Variants in KCNIP4 observed in about 807,000 individuals in gnomAD.
The protein encoded by KCNIP4 is potassium voltage-gated channel interacting protein 4.
A neutral mutation model predicts 34.0 loss-of-function variants in KCNIP4; 12 were observed. The ratio of observed to expected loss-of-function variants is 0.35; its 90% CI spans 0.23 to 0.57. KCNIP4 has a LOEUF of 0.57. Ranked by LOEUF, KCNIP4 falls within the 20% of genes least tolerant of loss-of-function variation. The probability of loss-of-function intolerance (pLI) is 0.83; values close to 1 mark genes in which losing one functional copy is unlikely to be tolerated. For synonymous variants in KCNIP4, 124 were observed against 102.2 expected, an observed-to-expected ratio of 1.21 and a Z score of -1.29; for missense variants, 238 against 311.7, an observed-to-expected ratio of 0.76 and a Z score of 1.78.
chr4:21,695,448 G>A (rs922805438), intron 1 of KCNIP4, among the ~76,000 whole-genome samples: 7 of 149,440 alleles, frequency 4.7e-5, no homozygotes, highest in African/African-American at 1.7e-4. Context: ...TTTTCCTCCT[G>A]TGGTTCAAAA....
intron 1 of KCNIP4, among the ~76,000 whole-genome samples, chr4:21,328,775 G>A (rs1715339222): frequency 6.6e-6 from 1 of 152,202 alleles, no homozygotes; most frequent in Admixed American, 6.5e-5. Flanking sequence ...TACTGTGACT[G>A]AGCTGGCACT....
intron 1 of KCNIP4, among the ~76,000 whole-genome samples, chr4:21,056,936 A>G (rs2108961683): frequency 6.6e-6 from 1 of 152,300 alleles, no homozygotes; most frequent in South Asian, 2.1e-4. Flanking sequence ...TCTCAGCCTA[A>G]GGTCTGACTG....
chr4:21,024,654 T>C (rs1740370492), intron 1 of KCNIP4, among the ~76,000 whole-genome samples: 1 of 152,242 alleles, frequency 6.6e-6, no homozygotes, highest in Non-Finnish European at 1.5e-5. Flanking sequence ...TTCTCTGTAC[T>C]AATTTGCTAT....
At chr4:21,007,466 C>T (rs934333836) in intron 1 of KCNIP4, among the ~76,000 whole-genome samples, 1 of 152,148 alleles carries the variant, frequency 6.6e-6, no homozygotes, top group Non-Finnish European at 1.5e-5. Flanking sequence ...TATTGTCACC[C>T]TGTCATGCTT....
chr4:21,104,453 C>A (rs1445416293), intron 1 of KCNIP4, among the ~76,000 whole-genome samples: 3 of 151,884 alleles, frequency 2.0e-5, no homozygotes, highest in African/African-American at 2.4e-5. Flanking sequence ...TTGTTTTTTT[C>A]TTGTAAATTT....
chr4:21,350,642 C>A (rs1321699655), intron 1 of KCNIP4, among the ~76,000 whole-genome samples: 2 of 152,202 alleles, frequency 1.3e-5, no homozygotes, highest in African/African-American at 2.4e-5. Context: ...GCCAGGAGGA[C>A]AACCTTGCCC....
intron 1 of KCNIP4, among the ~76,000 whole-genome samples, chr4:21,714,623 G>A (rs1265180855): frequency 6.6e-6 from 1 of 151,888 alleles, no homozygotes; most frequent in East Asian, 2.0e-4. Flanking sequence ...AGGTCAAGAA[G>A]TAGGTTTATA....
At chr4:21,662,542 A>G (rs35994045) in intron 1 of KCNIP4, among the ~76,000 whole-genome samples, 5,904 of 152,334 alleles carry the variant, frequency 0.039, 152 homozygotes, top group Middle Eastern at 0.095. Context: ...AGAAGCACAA[A>G]AGCAGGATTA....
intron 1 of KCNIP4, among the ~76,000 whole-genome samples, chr4:21,305,528 C>T (rs960069345): frequency 6.6e-6 from 1 of 152,212 alleles, no homozygotes; most frequent in African/African-American, 2.4e-5. Flanking sequence ...AGGAATCAAT[C>T]TGGAGGAAGT....
intron 1 of KCNIP4, among the ~76,000 whole-genome samples, chr4:21,046,578 A>AATTTATTTATTTATTT (rs150325780): frequency 0.032 from 3,828 of 117,948 alleles, 151 homozygotes; most frequent in African/African-American, 0.092. Flanking sequence ...GTTACTAGCT[A>AATTTATTTATTTATTT]ATTTATTTAT....
At chr4:21,234,567 T>C (rs942376696) in intron 1 of KCNIP4, among the ~76,000 whole-genome samples, 1 of 135,432 alleles carries the variant, frequency 7.4e-6, no homozygotes, top group Non-Finnish European at 1.5e-5. Flanking sequence ...ATAACGTATA[T>C]AATATATATT....
intron 1 of KCNIP4, among the ~76,000 whole-genome samples, chr4:21,947,115 TG>T (rs1392747062): frequency 1.3e-5 from 2 of 152,206 alleles, no homozygotes; most frequent in African/African-American, 4.8e-5. Flanking sequence ...TGTGTGAATG[TG>T]TCTCTAATAG....
At chr4:21,451,391 A>C (rs955154633) in intron 1 of KCNIP4, among the ~76,000 whole-genome samples, 6 of 152,188 alleles carry the variant, frequency 3.9e-5, no homozygotes, top group African/African-American at 1.4e-4. Flanking sequence ...AATGCAAGTG[A>C]ATCCAACTCC....
At chr4:21,307,511 T>C (rs979195317) in intron 1 of KCNIP4, among the ~76,000 whole-genome samples, 4 of 152,236 alleles carry the variant, frequency 2.6e-5, no homozygotes, top group Non-Finnish European at 4.4e-5. Context: ...TGTCTCCTTC[T>C]GCCAGAATTG....
intron 1 of KCNIP4, among the ~76,000 whole-genome samples, chr4:21,529,452 G>C (rs1367975044): frequency 6.6e-6 from 1 of 152,132 alleles, no homozygotes; most frequent in Non-Finnish European, 1.5e-5. Context: ...TCACACTACA[G>C]CTGAGATAAT....
At chr4:21,031,343 G>A (rs773540987) in intron 1 of KCNIP4, among the ~76,000 whole-genome samples, 2 of 152,126 alleles carry the variant, frequency 1.3e-5, no homozygotes, top group Non-Finnish European at 2.9e-5. Flanking sequence ...TTCTATTTTT[G>A]TACCCATTTT....
At chr4:21,251,208 A>G (rs1278398707) in intron 1 of KCNIP4, among the ~76,000 whole-genome samples, 6 of 152,228 alleles carry the variant, frequency 3.9e-5, no homozygotes, top group African/African-American at 1.2e-4. Flanking sequence ...TATCCAACAA[A>G]TCTATCTATA....
At chr4:21,599,975 A>G (rs890548041) in intron 1 of KCNIP4, among the ~76,000 whole-genome samples, 1 of 152,118 alleles carries the variant, frequency 6.6e-6, no homozygotes, top group Non-Finnish European at 1.5e-5. Flanking sequence ...AGTAATAAAT[A>G]TCATTTTCAA....
chr4:21,839,421 AAT>A (rs1338738241), intron 1 of KCNIP4, among the ~76,000 whole-genome samples: 1 of 152,108 alleles, frequency 6.6e-6, no homozygotes, highest in African/African-American at 2.4e-5. Context: ...AATATTTTGT[AAT>A]ATATGTCAGG....
Sources: allele counts gnomAD v4.1 joint callset (sites outside exome capture counted in the v4.1 genomes callset), GRCh38; gene constraint gnomAD v4.1.1; transcripts MANE v1.5; gene names NCBI Gene and HGNC (gene_info 2026-07-23, HGNC 2026-07-21).